IL1RAPL1: variants seen among roughly 807,000 people sequenced by gnomAD.
IL1RAPL1 encodes interleukin 1 receptor accessory protein like 1, also known as interleukin-1 receptor accessory protein-like 1.
Under a neutral mutation model 48.4 loss-of-function variants are expected in IL1RAPL1, and 3 were observed. The observed-to-expected ratio is 0.06, with a 90% CI of 0.03 to 0.16. The LOEUF (loss-of-function observed/expected upper bound fraction) is 0.16, where lower values mean the gene tolerates loss of function less well. Ranked by LOEUF, IL1RAPL1 falls within the 10% of genes least tolerant of loss-of-function variation. The pLI is 1.00. For missense variants in IL1RAPL1, 349 were observed against 530.6 expected (o/e 0.66, Z 3.36); for synonymous variants, 185 against 187.7 (o/e 0.99, Z 0.12).
intron 2 of IL1RAPL1, among the ~76,000 whole-genome samples, chrX:28,799,294 T>C (rs1936648289): frequency 8.9e-6 from 1 of 112,160 alleles, no homozygotes; most frequent in Non-Finnish European, 1.9e-5. Context: ...CAAATGTAGA[T>C]TGAGGATAGA....
intron 2 of IL1RAPL1, among the ~76,000 whole-genome samples, chrX:29,092,376 T>A (rs910875705): frequency 7.1e-5 from 8 of 111,959 alleles, no homozygotes; most frequent in South Asian, 3.7e-4. Context: ...TTGTTTCTGC[T>A]TTCTGAGTAA....
chrX:29,015,075 G>C (rs1182574814), intron 2 of IL1RAPL1, among the ~76,000 whole-genome samples: 1 of 111,133 alleles, frequency 9.0e-6, no homozygotes, highest in Non-Finnish European at 1.9e-5. Flanking sequence ...CACGGGAGCA[G>C]ATGTAGTATA....
chrX:28,887,429 T>C (rs916433182), intron 2 of IL1RAPL1, among the ~76,000 whole-genome samples: 3 of 112,181 alleles, frequency 2.7e-5, no homozygotes, highest in Admixed American at 9.5e-5. Context: ...TATCATGCAA[T>C]ATTTAAGGAA....
chrX:29,084,094 T>G (rs1324853355), intron 2 of IL1RAPL1, among the ~76,000 whole-genome samples: 2 of 111,806 alleles, frequency 1.8e-5, no homozygotes, highest in Non-Finnish European at 3.8e-5. Context: ...CATTCACTTC[T>G]GTTTGAGCTA....
chrX:29,294,607 G>T (rs1055278901), intron 3 of IL1RAPL1, among the ~76,000 whole-genome samples: 9 of 110,641 alleles, frequency 8.1e-5, no homozygotes, highest in Non-Finnish European at 1.5e-4. Context: ...TGTTGTAATA[G>T]CTAGACAATA....
chrX:29,421,595 A>AAG (rs957844909), intron 5 of IL1RAPL1, among the ~76,000 whole-genome samples: 2 of 110,756 alleles, frequency 1.8e-5, no homozygotes, highest in Non-Finnish European at 3.8e-5. Flanking sequence ...ACTAAGCCAT[A>AAG]AGAGAGAGAG....
At position 28,736,904 on chromosome X, in the gene IL1RAPL1, G is replaced by A. The variant is rs551143866; in HGVS notation, c.-24-52416G>A. ...TGCAACAGTAGATTTTCTTAACTCT[G>A]TTTTTATAAAATGTCATGGATTCTT... On this transcript the variant is annotated intron_variant, in intron 1 of 10. Coordinates refer to ENST00000378993, the MANE Select transcript of IL1RAPL1 (RefSeq NM_014271.4). Among the ~76,000 whole-genome samples the A allele has an allele frequency of 7.0e-4, 78 of 111,292 alleles. No homozygotes were observed. In the South Asian group the frequency reaches 0.017, roughly 24 times the overall value.
Position 28,596,492 on chromosome X carries a change from C to T in IL1RAPL1, c.-25+8445C>T, listed in dbSNP as rs922835177. Among the ~76,000 whole-genome samples, 6 of 110,499 alleles carry T rather than the reference C, an allele frequency of 5.4e-5. No homozygotes were observed. In the East Asian group the frequency reaches 8.7e-4, roughly 16 times the overall value. On this transcript the variant is annotated intron_variant, in intron 1 of 10. Transcript: ENST00000378993. ...CCCTCCCTACAGAGATGACTGATGT[C>T]ATGTGTCTGGGCCCAAAAATGGTTT...
chrX:29,238,918 T>G (rs894521413), intron 2 of IL1RAPL1, among the ~76,000 whole-genome samples: 1 of 111,955 alleles, frequency 8.9e-6, no homozygotes, highest in Non-Finnish European at 1.9e-5. Context: ...AACTTTATTT[T>G]CAAAACAAAA....
At chrX:28,623,346 G>A (rs1368231983) in intron 1 of IL1RAPL1, among the ~76,000 whole-genome samples, 1 of 111,435 alleles carries the variant, frequency 9.0e-6, no homozygotes, top group Non-Finnish European at 1.9e-5. Flanking sequence ...TATGTATAAA[G>A]TTATGAATTG....
At chrX:29,333,653 C>A (rs1456307199) in intron 3 of IL1RAPL1, among the ~76,000 whole-genome samples, 5 of 79,541 alleles carry the variant, frequency 6.3e-5, no homozygotes, top group Non-Finnish European at 1.2e-4. Context: ...CCAGTAGGGG[C>A]GGCCGGGCAG....
At chrX:29,013,032 A>G (rs1926159661) in intron 2 of IL1RAPL1, among the ~76,000 whole-genome samples, 1 of 111,646 alleles carries the variant, frequency 9.0e-6, no homozygotes, top group Non-Finnish European at 1.9e-5. Flanking sequence ...GACTTAGCAC[A>G]ATCAAAGCAA....
chrX:28,605,467 A>C (rs889127462), intron 1 of IL1RAPL1, among the ~76,000 whole-genome samples: 2 of 111,378 alleles, frequency 1.8e-5, no homozygotes, highest in Non-Finnish European at 3.8e-5. Context: ...TGTTGGTACT[A>C]TCTTTACCCA....
chrX:29,484,618 G>A (rs1231335778), intron 5 of IL1RAPL1, among the ~76,000 whole-genome samples: 5 of 111,627 alleles, frequency 4.5e-5, no homozygotes, highest in Non-Finnish European at 5.6e-5. Flanking sequence ...CAGTGTTCCA[G>A]GAAGAAACTG....
At chrX:29,199,599 A>G (rs756319375) in intron 2 of IL1RAPL1, among the ~76,000 whole-genome samples, 39 of 110,827 alleles carry the variant, frequency 3.5e-4, no homozygotes, top group South Asian at 7.7e-4. Flanking sequence ...AGGAGCACAT[A>G]ACCTAGATCC....
At chrX:28,990,249 GTCTT>G (rs1925569995) in intron 2 of IL1RAPL1, among the ~76,000 whole-genome samples, 2 of 111,849 alleles carry the variant, frequency 1.8e-5, no homozygotes, top group African/African-American at 6.5e-5. Flanking sequence ...AACTTTATCA[GTCTT>G]TGTTTCAGTC....
At chrX:29,502,358 G>A (rs1040669385) in intron 5 of IL1RAPL1, among the ~76,000 whole-genome samples, 4 of 110,464 alleles carry the variant, frequency 3.6e-5, no homozygotes, top group African/African-American at 6.6e-5. Context: ...TTATTATATC[G>A]AATAAAGGTA....
At chrX:28,683,002 G>T (rs374536192) in intron 1 of IL1RAPL1, among the ~76,000 whole-genome samples, 1 of 112,117 alleles carries the variant, frequency 8.9e-6, no homozygotes, top group African/African-American at 3.2e-5. Context: ...TACAATTGGG[G>T]ATGACAAATC....
chrX:28,778,339 G>A (rs902643429), intron 1 of IL1RAPL1, among the ~76,000 whole-genome samples: 5 of 111,555 alleles, frequency 4.5e-5, no homozygotes, highest in African/African-American at 9.8e-5. Context: ...CCAACTATTC[G>A]TTAAATATAT....
Sources: gnomAD v4.1 joint callset for allele counts (sites outside exome capture counted in the v4.1 genomes callset) on GRCh38, gnomAD v4.1.1 for gene constraint, MANE v1.5 for transcripts, NCBI Gene and HGNC (gene_info 2026-07-23, HGNC 2026-07-21) for gene names.